Variants in EPHB1 observed in about 807,000 individuals in gnomAD.
EPHB1 encodes ephrin type-B receptor 1.
A neutral mutation model predicts 94.4 loss-of-function variants in EPHB1; 30 were observed. The ratio of observed to expected loss-of-function variants is 0.32; its 90% CI spans 0.24 to 0.43. The LOEUF (loss-of-function observed/expected upper bound fraction) is 0.43, where lower values mean the gene tolerates loss of function less well. EPHB1 is among the 20% of genes least tolerant of loss of function. EPHB1 has a pLI of 1.00. For synonymous variants in EPHB1, 522 were observed against 489.1 expected, an observed-to-expected ratio of 1.07 and a Z score of -0.89; for missense variants, 1,055 against 1,308.3, an observed-to-expected ratio of 0.81 and a Z score of 2.99.
At chr3:135,013,125 G>C (rs1040352762) in intron 3 of EPHB1, among the ~76,000 whole-genome samples, 1 of 152,162 alleles carries the variant, frequency 6.6e-6, no homozygotes, top group South Asian at 2.1e-4. Flanking sequence ...CAAACGGGAT[G>C]GGGAGTCATT....
chr3:135,163,375 G>T (rs1941564876), intron 7 of EPHB1, among the ~76,000 whole-genome samples: 1 of 152,170 alleles, frequency 6.6e-6, no homozygotes, highest in South Asian at 2.1e-4. Flanking sequence ...CTCTAACCTG[G>T]ATACTTTGAT....
chr3:135,242,983 C>T (rs1260858577), intron 13 of EPHB1, among the ~76,000 whole-genome samples: 4 of 147,970 alleles, frequency 2.7e-5, no homozygotes, highest in Non-Finnish European at 5.9e-5. Flanking sequence ...GACTGAGGCA[C>T]GAAAATTGCT....
intron 5 of EPHB1, among the ~76,000 whole-genome samples, chr3:135,133,414 T>C (rs1263888572): frequency 1.3e-5 from 2 of 152,002 alleles, no homozygotes; most frequent in Non-Finnish European, 2.9e-5. Flanking sequence ...ATTGTGTAAA[T>C]GGATGGACAG....
At chr3:134,801,504 C>T (rs2035934595) in intron 1 of EPHB1, among the ~76,000 whole-genome samples, 1 of 152,178 alleles carries the variant, frequency 6.6e-6, no homozygotes, top group Non-Finnish European at 1.5e-5. Flanking sequence ...GTCTGCATTC[C>T]TTGGAAGAGC....
chr3:135,016,765 CT>C (rs1935810731), intron 3 of EPHB1, among the ~76,000 whole-genome samples: 1 of 152,110 alleles, frequency 6.6e-6, no homozygotes, highest in Non-Finnish European at 1.5e-5. Flanking sequence ...GCTTTTTTTC[CT>C]TCTTTCAAGA....
At chr3:134,857,633 A>G (rs1046832587) in intron 1 of EPHB1, among the ~76,000 whole-genome samples, 2 of 152,066 alleles carry the variant, frequency 1.3e-5, no homozygotes, top group Middle Eastern at 3.4e-3. Context: ...AGAAACAAAG[A>G]CTTCGTCCAC....
At chr3:134,805,745 G>A (rs545403755) in intron 1 of EPHB1, among the ~76,000 whole-genome samples, 1 of 152,130 alleles carries the variant, frequency 6.6e-6, no homozygotes, top group Non-Finnish European at 1.5e-5. Context: ...ATGTCTTACT[G>A]TTCTTTTCTG....
In EPHB1 at chr3:135,259,166, T is replaced by C. The variant is rs775946369; in HGVS notation, c.*46T>C. The C allele has an allele frequency of 6.8e-7, 1 of 1,475,854 alleles. No individual in the cohort carries two copies. Among genetic ancestry groups the C allele is most frequent in the East Asian group, 2.4e-5 (1 of 42,158 alleles). The allele number at this position is 1,475,854 out of a possible 1,614,324, so 91.4% of individuals were successfully genotyped here. The stretch of plus-strand genomic sequence containing the variant: ...AGGAGAGGAGGGAAAAGGACCAGGG[T>C]CAAGGGGGACCAGAGGTTGACCACT... On this transcript the variant is annotated 3_prime_UTR_variant, in exon 16 of 16. Coordinates refer to ENST00000398015, the MANE Select transcript of EPHB1 (RefSeq NM_004441.5).
intron 1 of EPHB1, among the ~76,000 whole-genome samples, chr3:134,892,358 C>A (rs373328545): frequency 5.9e-5 from 9 of 152,352 alleles, no homozygotes; most frequent in African/African-American, 2.2e-4. Context: ...TTTGGCCCGG[C>A]AAAAGGGCCT....
Position 134,882,765 on chromosome 3 carries a change from C to CCTTTCTTTCTT in EPHB1, c.59-43050_59-43040dup, listed in dbSNP as rs1553861898. ...TTCTTTCTTCCTTTCTTCCTTCCTTCCTTTCTTTCTTTCTTTCTTTCTTTC... is the reference window on the plus strand; with the variant it reads ...TTCTTTCTTCCTTTCTTCCTTCCTTCCTTTCTTTCTTCTTTCTTTCTTTCTTTCTTTCTTTC... On this transcript the variant is annotated intron_variant, in intron 1 of 15. Coordinates refer to ENST00000398015, the MANE Select transcript of EPHB1 (RefSeq NM_004441.5). Among the ~76,000 whole-genome samples the CCTTTCTTTCTT allele has an allele frequency of 3.6e-4, 29 of 79,930 alleles. 1 individual carries two copies. Among genetic ancestry groups the CCTTTCTTTCTT allele is most frequent in the South Asian group, 3.0e-3 (6 of 2,020 alleles). The allele number at this position is 79,930 out of a possible 152,430, so 52.4% of individuals were successfully genotyped here. A position where few individuals can be genotyped will look rare whatever the true frequency, so the allele number is the denominator to read the frequency against.
At chr3:135,237,301 CACACACACACAG>C (rs1221129988) in intron 12 of EPHB1, among the ~76,000 whole-genome samples, 63 of 151,998 alleles carry the variant, frequency 4.1e-4, no homozygotes, top group Admixed American at 4.1e-3. Context: ...CACACACACA[CACACACACACAG>C]ACAGACACAA....
intron 6 of EPHB1, among the ~76,000 whole-genome samples, chr3:135,159,639 G>A (rs1941453574): frequency 6.6e-6 from 1 of 152,218 alleles, no homozygotes; most frequent in South Asian, 2.1e-4. Context: ...CCTGAGTGGG[G>A]GTGGGGAGGA....
intron 1 of EPHB1, among the ~76,000 whole-genome samples, chr3:134,859,838 A>G (rs2037208691): frequency 6.6e-6 from 1 of 152,158 alleles, no homozygotes; most frequent in Non-Finnish European, 1.5e-5. Context: ...ACAAATTTAT[A>G]CGGCCGCAAT....
At chr3:135,186,222 G>A (rs1215208518) in intron 10 of EPHB1, among the ~76,000 whole-genome samples, 1 of 152,202 alleles carries the variant, frequency 6.6e-6, no homozygotes, top group South Asian at 2.1e-4. Context: ...CTGGATATTA[G>A]GTATTGTGAA....
At chr3:135,197,208 G>A (rs998823154) in intron 11 of EPHB1, among the ~76,000 whole-genome samples, 5 of 152,138 alleles carry the variant, frequency 3.3e-5, no homozygotes, top group Admixed American at 2.0e-4. Flanking sequence ...TGCGCCATAA[G>A]GCCTTCTTGC....
chr3:134,796,100 C>T, intron 1 of EPHB1: 1 of 262,980 alleles, frequency 3.8e-6, no homozygotes, highest in Non-Finnish European at 7.3e-6. Flanking sequence ...CCCGTCTGCT[C>T]CCAGGCACGG....
intron 12 of EPHB1, among the ~76,000 whole-genome samples, chr3:135,215,806 T>A (rs35624991): frequency 0.23 from 35,675 of 152,124 alleles, 4,597 homozygotes; most frequent in Non-Finnish European, 0.29. Flanking sequence ...GGTGGAGCCT[T>A]GGAATCTGCA....
chr3:135,217,072 C>T (rs1003335795), intron 12 of EPHB1, among the ~76,000 whole-genome samples: 1 of 152,128 alleles, frequency 6.6e-6, no homozygotes, highest in Non-Finnish European at 1.5e-5. Context: ...CAAGAGGATG[C>T]CAAAACCTTA....
intron 1 of EPHB1, among the ~76,000 whole-genome samples, chr3:134,824,125 C>CTTTTTTTTTTTTTTTTTTTTTTTTTTTTT (rs373504139): frequency 9.9e-6 from 1 of 100,756 alleles, no homozygotes; most frequent in Non-Finnish European, 2.0e-5. Context: ...GGATAATGCC[C>CTTTTTTTTTTTTTTTTTTTTTTTTTTTTT]TTTTTTTTTT....
Sources: gnomAD v4.1 joint callset for allele counts (sites outside exome capture counted in the v4.1 genomes callset) on GRCh38, gnomAD v4.1.1 for gene constraint, MANE v1.5 for transcripts, NCBI Gene and HGNC (gene_info 2026-07-23, HGNC 2026-07-21) for gene names.